Variants in GATAD2A observed in about 807,000 individuals in gnomAD.
GATAD2A encodes GATA zinc finger domain containing 2A.
A neutral mutation model predicts 68.5 loss-of-function variants in GATAD2A; 12 were observed. The ratio of observed to expected loss-of-function variants is 0.18; its 90% confidence interval spans 0.11 to 0.28. The LOEUF (loss-of-function observed/expected upper bound fraction) is 0.28. Ranked by LOEUF, GATAD2A falls within the 10% of genes least tolerant of loss-of-function variation. The pLI, the probability that GATAD2A is intolerant of heterozygous loss-of-function variation, is 1.00. For missense variants in GATAD2A, 755 were observed against 868.5 expected (o/e 0.87, Z 1.64); for synonymous variants, 410 against 375.3 (o/e 1.09, Z -1.07).
chr19:19,481,302 A>G (rs923052243), intron 2 of GATAD2A, among the ~76,000 whole-genome samples: 3 of 152,112 alleles, frequency 2.0e-5, no homozygotes, highest in Non-Finnish European at 4.4e-5. Context: ...GCCCACTTGC[A>G]GTGTGAGTGT....
At chr19:19,426,283 A>T (rs542235737) in intron 1 of GATAD2A, among the ~76,000 whole-genome samples, 1 of 152,218 alleles carries the variant, frequency 6.6e-6, no homozygotes, top group East Asian at 1.9e-4. Flanking sequence ...TCTGGCTTCT[A>T]TTCCACAAAC....
At chr19:19,484,812 C>T (rs1440196060) in intron 2 of GATAD2A, among the ~76,000 whole-genome samples, 3 of 152,146 alleles carry the variant, frequency 2.0e-5, no homozygotes, top group East Asian at 1.9e-4. Flanking sequence ...GGATTACAGG[C>T]GTGAGCCACC....
chr19:19,429,004 A>G (rs944706946), intron 1 of GATAD2A, among the ~76,000 whole-genome samples: 11 of 148,870 alleles, frequency 7.4e-5, no homozygotes, highest in African/African-American at 2.5e-4. Context: ...TTAATTAAAG[A>G]CAGCATTTGT....
upstream of GATAD2A, among the ~76,000 whole-genome samples, chr19:19,403,474 C>A (rs1426408213): frequency 6.6e-6 from 1 of 152,152 alleles, no homozygotes; most frequent in Non-Finnish European, 1.5e-5. Flanking sequence ...GAAGTTGGCA[C>A]TGCCCTCTGG....
At chr19:19,467,661 T>A (rs2057980926) in intron 2 of GATAD2A, among the ~76,000 whole-genome samples, 1 of 152,194 alleles carries the variant, frequency 6.6e-6, no homozygotes, top group Non-Finnish European at 1.5e-5. Flanking sequence ...ACTACCTTTT[T>A]TTCTTTCATG....
intron 11 of GATAD2A, 86 bp downstream of exon 11, chr19:19,502,612 C>T (rs1465839889): frequency 2.0e-5 from 22 of 1,076,002 alleles, no homozygotes; most frequent in Middle Eastern, 4.4e-4. Context: ...ACATGTGCAG[C>T]GGGTGAACCC....
chr19:19,409,617 A>G (rs532105373), intron 1 of GATAD2A, among the ~76,000 whole-genome samples: 117 of 152,286 alleles, frequency 7.7e-4, no homozygotes, highest in Non-Finnish European at 1.2e-3. Context: ...TAACTGTGCA[A>G]AGGTATGTCT....
intron 7 of GATAD2A, among the ~76,000 whole-genome samples, chr19:19,497,067 G>T (rs962396788): frequency 6.6e-6 from 1 of 152,102 alleles, no homozygotes. Context: ...TTGCTCTGTT[G>T]CCCAGGCTGG....
intron 7 of GATAD2A, 63 bp from the exon 8 acceptor site, chr19:19,498,380 G>C: frequency 6.7e-7 from 1 of 1,501,526 alleles, no homozygotes; most frequent in Middle Eastern, 1.8e-4. Context: ...GCTTCGGGGC[G>C]CTGGGGAGCC....
At chr19:19,437,639 A>G (rs770179682) in intron 1 of GATAD2A, among the ~76,000 whole-genome samples, 2 of 151,930 alleles carry the variant, frequency 1.3e-5, no homozygotes. Flanking sequence ...CTTTCTGTTG[A>G]TTTGCCTGTT....
intron 1 of GATAD2A, among the ~76,000 whole-genome samples, chr19:19,400,475 C>T (rs2049627676): frequency 6.6e-6 from 1 of 151,944 alleles, no homozygotes; most frequent in African/African-American, 2.4e-5. Context: ...GGCTACTGAC[C>T]CATGTCCCAC....
chr19:19,505,296 G>C, intron 11 of GATAD2A, 48 bp from the exon 12 acceptor site: 1 of 1,598,404 alleles, frequency 6.3e-7, no homozygotes, highest in East Asian at 2.3e-5. Context: ...CCTCCCAGGA[G>C]CCCTCCTGAC....
chr19:19,431,033 A>G (rs1030695181), intron 1 of GATAD2A, among the ~76,000 whole-genome samples: 1 of 145,718 alleles, frequency 6.9e-6, no homozygotes, highest in African/African-American at 2.6e-5. Flanking sequence ...CCCAGGTGCA[A>G]GGTCAAAGCC....
intron 1 of GATAD2A, among the ~76,000 whole-genome samples, chr19:19,432,807 T>C (rs778498118): frequency 2.6e-5 from 4 of 152,230 alleles, no homozygotes; most frequent in Non-Finnish European, 5.9e-5. Context: ...TGCTTGGGTC[T>C]GCAGGCAGTG....
At chr19:19,407,207 C>A (rs2050380794) in intron 1 of GATAD2A, among the ~76,000 whole-genome samples, 1 of 152,334 alleles carries the variant, frequency 6.6e-6, no homozygotes, top group East Asian at 1.9e-4. Context: ...TGACTTAACT[C>A]TTCTGGTAGT....
intron 4 of GATAD2A, 142 bp from the exon 5 acceptor site, chr19:19,494,152 C>T: frequency 1.7e-6 from 1 of 580,078 alleles, no homozygotes; most frequent in South Asian, 2.1e-5. Flanking sequence ...TTTCAGCCTT[C>T]AAGCAGAACC....
intron 2 of GATAD2A, among the ~76,000 whole-genome samples, chr19:19,477,485 G>T (rs1037019364): frequency 6.6e-6 from 1 of 152,130 alleles, no homozygotes. Context: ...GACTTGGCGT[G>T]TCTGCAGGCG....
intron 1 of GATAD2A, among the ~76,000 whole-genome samples, chr19:19,422,714 TTG>T (rs2052567828): frequency 6.8e-6 from 1 of 147,322 alleles, no homozygotes; most frequent in African/African-American, 2.7e-5. Flanking sequence ...TTTGTTTTTG[TTG>T]TTTTTTTTTT....
intron 2 of GATAD2A, among the ~76,000 whole-genome samples, chr19:19,484,531 TC>T (rs1237086235): frequency 0.02 from 2,524 of 126,706 alleles, 116 homozygotes; most frequent in African/African-American, 0.074. Context: ...TTTTTTTTTT[TC>T]TTTTTTTTTT....
Sources: allele counts gnomAD v4.1 joint callset (sites outside exome capture counted in the v4.1 genomes callset), GRCh38; gene constraint gnomAD v4.1.1; transcripts MANE v1.5; gene names NCBI Gene and HGNC (gene_info 2026-07-23, HGNC 2026-07-21).